PHF24: variants seen among roughly 807,000 people sequenced by gnomAD.
The protein encoded by PHF24 is PHD finger protein 24.
PHF24 carries 25 observed loss-of-function variants against 42.6 expected under a neutral mutation model. That is an observed-to-expected ratio of 0.59 (90% CI 0.43 to 0.82). The LOEUF (loss-of-function observed/expected upper bound fraction) is 0.82. Among genes scored for constraint, PHF24 ranks in the 40% least tolerant of loss-of-function variants. The pLI is 0.00. For missense variants in PHF24, 470 were observed against 538.1 expected (o/e 0.87, Z 1.25); for synonymous variants, 185 against 204.8 (o/e 0.90, Z 0.83).
the PHF24 span, among the ~76,000 whole-genome samples, chr9:34,883,002 G>T: frequency 1.2e-4 from 19 of 152,088 alleles, no homozygotes; most frequent in East Asian, 5.8e-4. Flanking sequence ...CATGATACTG[G>T]TACCAAAACA....
chr9:34,770,684 A>G, the PHF24 span, among the ~76,000 whole-genome samples: 2 of 152,158 alleles, frequency 1.3e-5, no homozygotes, highest in African/African-American at 4.8e-5. Flanking sequence ...AAGTTAGGGG[A>G]AGCAATAGAA....
the PHF24 span, among the ~76,000 whole-genome samples, chr9:34,708,534 A>G: frequency 6.6e-6 from 1 of 152,190 alleles, no homozygotes; most frequent in Non-Finnish European, 1.5e-5. Context: ...GGCAGGTTTC[A>G]ATATAACTTG....
At chr9:34,913,339 A>G in the PHF24 span, among the ~76,000 whole-genome samples, 10 of 152,210 alleles carry the variant, frequency 6.6e-5, no homozygotes, top group Non-Finnish European at 1.5e-4. Context: ...ATGAAATCTC[A>G]GTGACCCCCC....
chr9:34,740,925 G>A, the PHF24 span, among the ~76,000 whole-genome samples: 4 of 149,516 alleles, frequency 2.7e-5, no homozygotes, highest in East Asian at 2.0e-4. Flanking sequence ...CACTCTTGTC[G>A]CCCAGATTGG....
At chr9:34,890,989 G>A in the PHF24 span, among the ~76,000 whole-genome samples, 2 of 152,186 alleles carry the variant, frequency 1.3e-5, no homozygotes, top group Non-Finnish European at 2.9e-5. Flanking sequence ...GCTCTGATGG[G>A]CTCAATCTGT....
the PHF24 span, among the ~76,000 whole-genome samples, chr9:34,878,788 G>A: frequency 3.9e-5 from 6 of 152,210 alleles, no homozygotes; most frequent in Non-Finnish European, 8.8e-5. Context: ...ACGTCTGGGG[G>A]CAGGGCATAG....
At chr9:34,679,753 A>C in the PHF24 span, among the ~76,000 whole-genome samples, 3 of 152,170 alleles carry the variant, frequency 2.0e-5, no homozygotes, top group African/African-American at 7.2e-5. Flanking sequence ...TGTGCCAGTG[A>C]ATGGCAGGCA....
At chr9:34,898,370 G>T in the PHF24 span, among the ~76,000 whole-genome samples, 1 of 152,048 alleles carries the variant, frequency 6.6e-6, no homozygotes, top group African/African-American at 2.4e-5. Context: ...GGCCATTCTT[G>T]CAGGAGTAAG....
chr9:34,680,963 G>A, the PHF24 span: 1 of 152,106 alleles, frequency 6.6e-6, no homozygotes, highest in East Asian at 1.9e-4. Flanking sequence ...TCTCATCTTG[G>A]GAGTTACCAT....
chr9:34,971,534 G>A lies in PHF24; in HGVS notation c.236G>A (p.Trp79Ter). 1 of 1,614,194 alleles carries A rather than the reference G, an allele frequency of 6.2e-7. No homozygotes were observed. The highest frequency in any genetic ancestry group is 1.1e-5 in the South Asian group (1 of 91,082). The change falls in exon 2 of 8, where the codon TGG becomes TAG. Residue 79 changes from tryptophan to a stop codon, truncating the protein, a stop_gained. Coordinates refer to ENST00000242315, the Ensembl canonical transcript of PHF24. LOFTEE classifies it high-confidence loss of function. The stretch of plus-strand genomic sequence containing the variant: ...GAGAGTAGTGCCGGCCGCGCAGCCT[G>A]GGAGCGGCTCCGAGATGGGCGCGGC...
At chr9:34,949,132 G>A in the PHF24 span, among the ~76,000 whole-genome samples, 2 of 152,232 alleles carry the variant, frequency 1.3e-5, no homozygotes, top group South Asian at 2.1e-4. Flanking sequence ...AAATCAGTAA[G>A]GATACAGAAG....
the PHF24 span, among the ~76,000 whole-genome samples, chr9:34,900,599 A>G: frequency 6.6e-6 from 1 of 152,186 alleles, no homozygotes; most frequent in Non-Finnish European, 1.5e-5. Context: ...ACCATGTCTC[A>G]ATAACAATAA....
the PHF24 span, chr9:34,894,618 TAAGTC>T: frequency 2.5e-6 from 1 of 397,444 alleles, no homozygotes; most frequent in Non-Finnish European, 4.4e-6. Flanking sequence ...GTCAGAACAC[TAAGTC>T]ACATCTGTGT....
At chr9:34,759,718 C>T in the PHF24 span, among the ~76,000 whole-genome samples, 1 of 152,184 alleles carries the variant, frequency 6.6e-6, no homozygotes, top group African/African-American at 2.4e-5. Flanking sequence ...AAATCCTGCA[C>T]CTGCTCCTGC....
At chr9:34,889,179 C>T in the PHF24 span, 956 of 398,596 alleles carry the variant, frequency 2.4e-3, 4 homozygotes, top group Non-Finnish European at 3.1e-3. Context: ...AACCTATGAA[C>T]TCCTTTTTCT....
the PHF24 span, among the ~76,000 whole-genome samples, chr9:34,813,349 T>C: frequency 6.6e-6 from 1 of 152,094 alleles, no homozygotes; most frequent in African/African-American, 2.4e-5. Flanking sequence ...GTTATATTGG[T>C]TTTCTATTAT....
the PHF24 span, among the ~76,000 whole-genome samples, chr9:34,848,515 C>T: frequency 5.9e-5 from 9 of 151,982 alleles, no homozygotes; most frequent in Admixed American, 2.0e-4. Context: ...GTTTTGCTAG[C>T]GATCTATCAA....
the PHF24 span, among the ~76,000 whole-genome samples, chr9:34,937,023 T>TGGG: frequency 7.7e-6 from 1 of 129,696 alleles, no homozygotes; most frequent in Non-Finnish European, 1.7e-5. Context: ...GGGAGGGAGG[T>TGGG]GGGGGGGTCA....
chr9:34,972,582 C>T, intron 3 of PHF24, 51 bp downstream of exon 3: 5 of 1,519,066 alleles, frequency 3.3e-6, no homozygotes, highest in Non-Finnish European at 4.4e-6. Context: ...TTCCTGGAGG[C>T]CCGGTCTTAG....
Sources: allele counts gnomAD v4.1 joint callset (sites outside exome capture counted in the v4.1 genomes callset), GRCh38; gene constraint gnomAD v4.1.1; transcripts MANE v1.5; gene names NCBI Gene and HGNC (gene_info 2026-07-23, HGNC 2026-07-21).